The following CCDC91 variants were observed in gnomAD, a reference collection of about 807,000 sequenced individuals.
CCDC91 encodes coiled-coil domain containing 91.
A neutral mutation model predicts 63.2 loss-of-function variants in CCDC91; 48 were observed. The ratio of observed to expected loss-of-function variants is 0.76; its 90% CI spans 0.60 to 0.97. CCDC91 has a LOEUF of 0.97. CCDC91 is among the 50% of genes least tolerant of loss of function. CCDC91 has a pLI of 0.00. For synonymous variants in CCDC91, 167 were observed against 165.8 expected, an observed-to-expected ratio of 1.01 and a Z score of -0.06; for missense variants, 500 against 494.6, an observed-to-expected ratio of 1.01 and a Z score of -0.10.
At chr12:28,448,551 A>T (rs1341390989) in intron 8 of CCDC91, among the ~76,000 whole-genome samples, 1 of 152,146 alleles carries the variant, frequency 6.6e-6, no homozygotes, top group South Asian at 2.1e-4. Context: ...ATTTTAGCTA[A>T]TGTACCCTCT....
intron 3 of CCDC91, among the ~76,000 whole-genome samples, chr12:28,297,404 A>G (rs1369697784): frequency 1.3e-5 from 2 of 152,028 alleles, no homozygotes; most frequent in East Asian, 3.9e-4. Flanking sequence ...GAAAAATGAT[A>G]TGTCCAAGTG....
chr12:28,548,986 C>A, intron 12 of CCDC91, 77 bp from the exon 13 acceptor site: 1 of 981,592 alleles, frequency 1.0e-6, no homozygotes, highest in South Asian at 1.5e-5. Flanking sequence ...TAGTGGGCTT[C>A]AGAGACATAA....
chr12:28,355,039 C>T (rs1476558866), intron 6 of CCDC91, among the ~76,000 whole-genome samples: 1 of 152,096 alleles, frequency 6.6e-6, no homozygotes, highest in African/African-American at 2.4e-5. Context: ...CTTTCTCCTT[C>T]CCTTGCTGTC....
intron 1 of CCDC91, among the ~76,000 whole-genome samples, chr12:28,252,317 G>T (rs1946168161): frequency 6.6e-6 from 1 of 151,468 alleles, no homozygotes. Context: ...TTTTGTTTTA[G>T]AAAATTTTCC....
intron 7 of CCDC91, among the ~76,000 whole-genome samples, chr12:28,371,858 T>A (rs1944644040): frequency 6.6e-6 from 1 of 152,236 alleles, no homozygotes; most frequent in Non-Finnish European, 1.5e-5. Context: ...ATCACTACCT[T>A]TACTGGCATG....
At position 28,490,212 on chromosome 12, in the gene CCDC91, G is replaced by T. The variant is rs376561355; in HGVS notation, c.1215+6047G>T. ...CCAATCTGGAGGAGGCTGTGTAGTT[G>T]TATGTGCAAGAAGTAGCTCATTAAC... On this transcript the variant is annotated intron_variant, in intron 12 of 12. Coordinates refer to ENST00000536442, the MANE Select transcript of CCDC91 (RefSeq NM_018318.5). Among the ~76,000 whole-genome samples the T allele has an allele frequency of 6.6e-5, 10 of 151,926 alleles. No homozygotes were observed. The South Asian group carries it at 1.0e-3, about 16-fold the overall frequency.
intron 6 of CCDC91, among the ~76,000 whole-genome samples, chr12:28,314,783 GTATAT>G (rs1939672041): frequency 6.6e-6 from 1 of 151,964 alleles, no homozygotes; most frequent in South Asian, 2.1e-4. Flanking sequence ...TCTTTTAGTA[GTATAT>G]TTTAGATTAG....
rs73263496 is a variant in CCDC91 at position 28,374,686 on chromosome 12, A to G, written c.654+12171A>G. 1.4e-3 allele frequency among the ~76,000 whole-genome samples: 212 copies of G among 152,218 alleles called. 1 individual carries two copies. Among genetic ancestry groups the G allele is most frequent in the African/African-American group, 4.9e-3 (203 of 41,554 alleles). On this transcript the variant is annotated intron_variant, in intron 7 of 12. Coordinates refer to ENST00000536442, the MANE Select transcript of CCDC91 (RefSeq NM_018318.5). ...AAAAATAACAGTAAGTTATGATAGG[A>G]CTTAAACTTTTCACAAATAATTGAA... is the stretch of plus-strand genomic sequence containing the variant.
At chr12:28,474,465 C>T (rs1373258052) in intron 11 of CCDC91, among the ~76,000 whole-genome samples, 1 of 151,860 alleles carries the variant, frequency 6.6e-6, no homozygotes, top group Non-Finnish European at 1.5e-5. Flanking sequence ...AGGCAATGGA[C>T]CGGATTTGGC....
chr12:28,410,865 A>T (rs114158488), intron 8 of CCDC91, among the ~76,000 whole-genome samples: 1,815 of 151,896 alleles, frequency 0.012, 37 homozygotes, highest in African/African-American at 0.042. Flanking sequence ...GTGATTATTG[A>T]CGTTTTTTCA....
intron 6 of CCDC91, among the ~76,000 whole-genome samples, chr12:28,341,628 A>G (rs1162739412): frequency 1.3e-5 from 2 of 152,182 alleles, no homozygotes; most frequent in South Asian, 2.1e-4. Flanking sequence ...TATTCTGCCT[A>G]TTACACTTAG....
At chr12:28,293,285 G>A (rs145612347) in intron 3 of CCDC91, among the ~76,000 whole-genome samples, 20 of 152,266 alleles carry the variant, frequency 1.3e-4, no homozygotes, top group Non-Finnish European at 2.4e-4. Context: ...AATGCAAATT[G>A]TGGCAAGCTT....
chr12:28,406,471 G>A (rs1946953504), intron 8 of CCDC91, among the ~76,000 whole-genome samples: 1 of 152,028 alleles, frequency 6.6e-6, no homozygotes, highest in African/African-American at 2.4e-5. Context: ...TTGCTCATTT[G>A]TTGTTTTCTT....
At chr12:28,286,767 A>C (rs1185628879) in intron 3 of CCDC91, among the ~76,000 whole-genome samples, 1 of 152,164 alleles carries the variant, frequency 6.6e-6, no homozygotes, top group Non-Finnish European at 1.5e-5. Context: ...GTTTGTTTTT[A>C]GTTCTTTAAG....
chr12:28,500,096 T>C (rs142020244), intron 12 of CCDC91, among the ~76,000 whole-genome samples: 3,317 of 152,232 alleles, frequency 0.022, 132 homozygotes, highest in African/African-American at 0.074. Flanking sequence ...TAATGACCAG[T>C]GATGATGAGC....
chr12:28,226,448 T>C (rs1944280414), intron 1 of CCDC91, among the ~76,000 whole-genome samples: 2 of 152,218 alleles, frequency 1.3e-5, no homozygotes, highest in Non-Finnish European at 1.5e-5. Flanking sequence ...TTTCTGGTCA[T>C]ACCTTTTAAA....
chr12:28,544,252 C>G (rs1942831346), intron 12 of CCDC91, among the ~76,000 whole-genome samples: 1 of 151,772 alleles, frequency 6.6e-6, no homozygotes, highest in Admixed American at 6.6e-5. Flanking sequence ...AGTTCTCCAT[C>G]AAACCAAGTC....
intron 6 of CCDC91, among the ~76,000 whole-genome samples, chr12:28,336,657 T>C (rs1002346253): frequency 1.3e-5 from 2 of 152,126 alleles, no homozygotes; most frequent in African/African-American, 4.8e-5. Flanking sequence ...TTCCTAGAAA[T>C]GAAGAGTCAT....
rs548153843 is a variant in CCDC91 at position 28,294,590 on chromosome 12, C to CT, written c.110-11048dup. ...AGTGAGTCAGTTAAACCTGCTTCCT[C>CT]TTTTTTTTTTTGAGATGGGATTTCA... On this transcript the variant is annotated intron_variant, in intron 3 of 12. Coordinates refer to ENST00000536442, the MANE Select transcript of CCDC91 (RefSeq NM_018318.5). 6.7e-4 allele frequency among the ~76,000 whole-genome samples: 98 copies of CT among 146,902 alleles called. 1 individual carries two copies. In the Middle Eastern group the frequency reaches 0.011, roughly 16 times the overall value.
Sources: allele counts gnomAD v4.1 joint callset (sites outside exome capture counted in the v4.1 genomes callset), GRCh38; gene constraint gnomAD v4.1.1; transcripts MANE v1.5; gene names NCBI Gene and HGNC (gene_info 2026-07-23, HGNC 2026-07-21).